PTPRD: variants seen among roughly 807,000 people sequenced by gnomAD.
The protein encoded by PTPRD is receptor-type tyrosine-protein phosphatase delta.
Under a neutral mutation model 214.5 loss-of-function variants are expected in PTPRD, and 34 were observed. That is an observed-to-expected ratio of 0.16 (90% CI 0.12 to 0.21). The LOEUF is 0.21. Ranked by LOEUF, PTPRD falls within the 10% of genes least tolerant of loss-of-function variation. PTPRD has a pLI of 1.00. For synonymous variants in PTPRD, 1,128 were observed against 845.7 expected (o/e 1.33, Z -5.79); for missense variants, 2,545 against 2,398.7 (o/e 1.06, Z -1.27).
At chr9:9,033,473 A>T (rs1590170923) in intron 10 of PTPRD, among the ~76,000 whole-genome samples, 2 of 152,234 alleles carry the variant, frequency 1.3e-5, no homozygotes, top group East Asian at 1.9e-4. Context: ...TCAGAAGAAC[A>T]TCCAACCGCA....
chr9:9,063,145 G>A (rs1407015519), intron 10 of PTPRD, among the ~76,000 whole-genome samples: 2 of 152,010 alleles, frequency 1.3e-5, no homozygotes, highest in African/African-American at 2.4e-5. Flanking sequence ...CATTTGTCAT[G>A]GCTCTACTTC....
At chr9:10,204,329 A>G (rs2099454497) in intron 3 of PTPRD, among the ~76,000 whole-genome samples, 2 of 152,170 alleles carry the variant, frequency 1.3e-5, no homozygotes, top group South Asian at 4.1e-4. Flanking sequence ...TCTGTTCCAC[A>G]CCATGACAGT....
At chr9:8,806,542 T>C (rs1185777957) in intron 11 of PTPRD, among the ~76,000 whole-genome samples, 2 of 152,202 alleles carry the variant, frequency 1.3e-5, no homozygotes, top group Admixed American at 1.3e-4. Context: ...ATGAGTCATG[T>C]AGCTTTAAAA....
chr9:8,416,131 G>C (rs1445563789), intron 35 of PTPRD, among the ~76,000 whole-genome samples: 1 of 151,926 alleles, frequency 6.6e-6, no homozygotes, highest in Non-Finnish European at 1.5e-5. Flanking sequence ...ACTTTGAAAA[G>C]CTTGGAAATA....
chr9:8,939,731 C>T (rs1294504624), intron 11 of PTPRD, among the ~76,000 whole-genome samples: 1 of 152,046 alleles, frequency 6.6e-6, no homozygotes, highest in Non-Finnish European at 1.5e-5. Flanking sequence ...TTTTATCTTT[C>T]CTTCTAAAGT....
chr9:10,140,611 C>G lies in PTPRD; in HGVS notation c.-544-106821G>C, dbSNP rs555829750. ...CTGAAATTGTGGCAATAATCAATAG[C>G]TTACCAACGAAAAAAGTCCAGGACC... is the stretch of plus-strand genomic sequence containing the variant. On this transcript the variant is annotated intron_variant, in intron 3 of 45. Coordinates refer to ENST00000381196, the MANE Select transcript of PTPRD (RefSeq NM_002839.4). 5.3e-5 allele frequency among the ~76,000 whole-genome samples: 8 copies of G among 152,150 alleles called. No homozygotes were observed. In the South Asian group the frequency reaches 1.7e-3, roughly 32 times the overall value.
chr9:8,742,733 T>C (rs1017443917), intron 11 of PTPRD, among the ~76,000 whole-genome samples: 1 of 152,212 alleles, frequency 6.6e-6, no homozygotes, highest in Non-Finnish European at 1.5e-5. Flanking sequence ...AAGAATAAAG[T>C]GAAGGACCTT....
chr9:9,456,499 T>G (rs998498813), intron 8 of PTPRD, among the ~76,000 whole-genome samples: 2 of 151,842 alleles, frequency 1.3e-5, no homozygotes, highest in African/African-American at 2.4e-5. Context: ...TTACATATTT[T>G]CATTTAAAAA....
At chr9:9,930,456 C>A (rs1425909939) in intron 5 of PTPRD, among the ~76,000 whole-genome samples, 1 of 152,100 alleles carries the variant, frequency 6.6e-6, no homozygotes, top group East Asian at 1.9e-4. Flanking sequence ...CACATAAAAA[C>A]AATTTCTTGT....
At chr9:8,526,796 G>A in intron 16 of PTPRD, 152 bp from the exon 17 acceptor site, 3 of 573,520 alleles carry the variant, frequency 5.2e-6, no homozygotes, top group Non-Finnish European at 8.8e-6. Context: ...GGTAAAACAG[G>A]AATATATTAG....
intron 9 of PTPRD, among the ~76,000 whole-genome samples, chr9:9,389,287 G>T (rs1174556769): frequency 6.6e-6 from 1 of 152,140 alleles, no homozygotes; most frequent in Non-Finnish European, 1.5e-5. Context: ...GAGGCAGGTG[G>T]ATCACCTGAG....
chr9:8,432,858 G>A (rs2095144281), intron 35 of PTPRD, among the ~76,000 whole-genome samples: 1 of 152,196 alleles, frequency 6.6e-6, no homozygotes, highest in Non-Finnish European at 1.5e-5. Flanking sequence ...TCAGTGAAGA[G>A]TCTATGTGGG....
At chr9:9,065,034 A>G (rs761799863) in intron 10 of PTPRD, among the ~76,000 whole-genome samples, 1 of 152,208 alleles carries the variant, frequency 6.6e-6, no homozygotes, top group Non-Finnish European at 1.5e-5. Flanking sequence ...AATTCATCAC[A>G]AATATCCACT....
chr9:8,722,025 T>C (rs1440041238), intron 12 of PTPRD, among the ~76,000 whole-genome samples: 1 of 152,220 alleles, frequency 6.6e-6, no homozygotes, highest in East Asian at 1.9e-4. Flanking sequence ...ACAACTGGAC[T>C]GTAAGCTGCT....
At chr9:9,265,885 C>T (rs1188897535) in intron 9 of PTPRD, among the ~76,000 whole-genome samples, 1 of 151,376 alleles carries the variant, frequency 6.6e-6, no homozygotes, top group Non-Finnish European at 1.5e-5. Flanking sequence ...TCTTACCCAT[C>T]AATAATGACT....
chr9:9,361,622 A>G (rs959726847), intron 9 of PTPRD, among the ~76,000 whole-genome samples: 35 of 150,978 alleles, frequency 2.3e-4, no homozygotes, highest in African/African-American at 8.0e-4. Context: ...ATCACTTTAA[A>G]TATGTATCTT....
At chr9:9,065,482 GTAA>G in intron 10 of PTPRD, among the ~76,000 whole-genome samples, 2 of 152,178 alleles carry the variant, frequency 1.3e-5, no homozygotes, top group Non-Finnish European at 2.9e-5. Context: ...GGAAGTGGGA[GTAA>G]GATACACGGT....
At chr9:9,224,196 C>A (rs1454430846) in intron 9 of PTPRD, among the ~76,000 whole-genome samples, 1 of 151,944 alleles carries the variant, frequency 6.6e-6, no homozygotes, top group Non-Finnish European at 1.5e-5. Context: ...CCACACAGAA[C>A]TGGTGATAGA....
chr9:9,210,916 C>G (rs1183584366), intron 9 of PTPRD, among the ~76,000 whole-genome samples: 2 of 149,778 alleles, frequency 1.3e-5, no homozygotes, highest in South Asian at 4.2e-4. Flanking sequence ...CTTATAGGTT[C>G]TATTTTCCTA....
Sources: gnomAD v4.1 joint callset for allele counts (sites outside exome capture counted in the v4.1 genomes callset) on GRCh38, gnomAD v4.1.1 for gene constraint, MANE v1.5 for transcripts, NCBI Gene and HGNC (gene_info 2026-07-23, HGNC 2026-07-21) for gene names.